The following SAMD5 variants were observed in gnomAD, a reference collection of about 807,000 sequenced individuals.
The protein encoded by SAMD5 is sterile alpha motif domain-containing protein 5.
In SAMD5, 13 loss-of-function variants were observed where a neutral mutation model predicts 11.3. The observed-to-expected ratio is 1.15, with a 90% CI of 0.75 to 1.83. The LOEUF is 1.83. Among genes scored for constraint, SAMD5 ranks in the 40% most tolerant of loss-of-function variants. SAMD5 has a pLI of 0.00. For missense variants in SAMD5, 255 were observed against 239.1 expected (o/e 1.07, Z -0.44); for synonymous variants, 129 against 111.3 (o/e 1.16, Z -1.00).
intron 1 of SAMD5, among the ~76,000 whole-genome samples, 180 bp downstream of exon 1, chr6:147,509,567 G>C (rs1004256302): frequency 6.6e-6 from 1 of 152,052 alleles, no homozygotes; most frequent in African/African-American, 2.4e-5. Context: ...CCTTCCTGGT[G>C]TCTCCAGTGG....
rs1376009747 is a variant in SAMD5 at position 147,569,880 on chromosome 6, A to G, written c.*5424A>G. ...CACTTTCTTTTCCCTTTCAGTTATTATTTTTTTTAAAGGACGTTATGAGAA... is the reference window on the plus strand; with the variant it reads ...CACTTTCTTTTCCCTTTCAGTTATTGTTTTTTTTAAAGGACGTTATGAGAA... On this transcript the variant is annotated 3_prime_UTR_variant, in exon 2 of 2. Transcript: ENST00000367474. The G allele has an allele frequency of 1.0e-6, 1 of 984,252 alleles. No individual in the cohort carries two copies. The highest frequency in any genetic ancestry group is 1.2e-6 in the Non-Finnish European group (1 of 829,116). The allele number at this position is 984,252 out of a possible 1,614,324, so 61.0% of individuals were successfully genotyped here. A position where few individuals can be genotyped will look rare whatever the true frequency, so the allele number is the denominator to read the frequency against.
chr6:147,660,425 G>A (rs1368452371), intron 1 of SAMD5, among the ~76,000 whole-genome samples: 1 of 152,092 alleles, frequency 6.6e-6, no homozygotes, highest in African/African-American at 2.4e-5. Context: ...CTACCATGCT[G>A]AGCCAGTGTT....
the SAMD5 span, among the ~76,000 whole-genome samples, chr6:147,750,320 T>C: frequency 6.6e-6 from 1 of 152,232 alleles, no homozygotes; most frequent in Non-Finnish European, 1.5e-5. Context: ...GGACAGAATT[T>C]CCTGAAAATA....
At chr6:147,874,457 G>A in the SAMD5 span, among the ~76,000 whole-genome samples, 1 of 151,988 alleles carries the variant, frequency 6.6e-6, no homozygotes, top group Non-Finnish European at 1.5e-5. Context: ...TTTTGTATGA[G>A]GACCGAGAAG....
At chr6:147,631,720 T>C (rs1327333885) in intron 1 of SAMD5, among the ~76,000 whole-genome samples, 1 of 152,198 alleles carries the variant, frequency 6.6e-6, no homozygotes, top group African/African-American at 2.4e-5. Context: ...TTTAGTTTCC[T>C]GACTCAGGGC....
At chr6:147,732,042 A>G (rs1254273791) in intron 1 of SAMD5, among the ~76,000 whole-genome samples, 1 of 152,216 alleles carries the variant, frequency 6.6e-6, no homozygotes, top group Non-Finnish European at 1.5e-5. Context: ...GGGAGTTTTC[A>G]ATGAAAATGC....
chr6:147,519,228 T>C (rs1021683900), intron 1 of SAMD5, among the ~76,000 whole-genome samples: 3 of 152,222 alleles, frequency 2.0e-5, no homozygotes, highest in South Asian at 2.1e-4. Context: ...AACTTTATAA[T>C]AAGACTAGAG....
chr6:147,565,954 A>G lies in SAMD5; in HGVS notation c.*1498A>G. The G allele has an allele frequency of 1.0e-6, 1 of 985,276 alleles. No homozygotes were observed. Among genetic ancestry groups the G allele is most frequent in the Non-Finnish European group, 1.2e-6 (1 of 829,800 alleles). 61.0% of individuals were successfully genotyped at this position (985,276 alleles called of 1,614,324 possible). A position where few individuals can be genotyped will look rare whatever the true frequency, so the allele number is the denominator to read the frequency against. On this transcript the variant is annotated 3_prime_UTR_variant, in exon 2 of 2. Coordinates refer to ENST00000367474, the MANE Select transcript of SAMD5 (RefSeq NM_001030060.3). Reference sequence around the variant, plus strand: ...AAGAATGTACAAGATGTAAGTTCCCATCGGCACCGTCATGGTAAGAAGAAT... The same window carrying G: ...AAGAATGTACAAGATGTAAGTTCCCGTCGGCACCGTCATGGTAAGAAGAAT...
At chr6:147,742,548 A>G in the SAMD5 span, among the ~76,000 whole-genome samples, 1 of 152,220 alleles carries the variant, frequency 6.6e-6, no homozygotes, top group African/African-American at 2.4e-5. Flanking sequence ...TCCTTATTTT[A>G]GAGCTAGAAT....
the SAMD5 span, among the ~76,000 whole-genome samples, chr6:147,756,488 A>G: frequency 6.6e-6 from 1 of 152,182 alleles, no homozygotes; most frequent in African/African-American, 2.4e-5. Context: ...TTTTTGGAAG[A>G]CTAAAGAAAA....
chr6:147,829,619 G>T, the SAMD5 span, among the ~76,000 whole-genome samples: 22 of 140,458 alleles, frequency 1.6e-4, no homozygotes, highest in Non-Finnish European at 3.3e-4. Context: ...TTTATGTAGT[G>T]TGTGTGTGGG....
At chr6:147,917,368 T>C in the SAMD5 span, among the ~76,000 whole-genome samples, 1 of 149,450 alleles carries the variant, frequency 6.7e-6, no homozygotes, top group Non-Finnish European at 1.5e-5. Flanking sequence ...TTGAGAAGTG[T>C]CTGTTCATGT....
intron 1 of SAMD5, among the ~76,000 whole-genome samples, chr6:147,559,186 G>A (rs980577403): frequency 3.3e-5 from 5 of 152,324 alleles, no homozygotes; most frequent in South Asian, 4.2e-4. Context: ...GTGCACTGGC[G>A]GCAGCCTGCA....
intron 1 of SAMD5, among the ~76,000 whole-genome samples, chr6:147,552,092 T>C (rs1315754169): frequency 6.6e-6 from 1 of 152,158 alleles, no homozygotes; most frequent in Non-Finnish European, 1.5e-5. Context: ...ATTTTATCTC[T>C]GGAATTGAGG....
chr6:147,720,696 ATATTT>A (rs889043398), intron 1 of SAMD5, among the ~76,000 whole-genome samples: 5 of 151,492 alleles, frequency 3.3e-5, no homozygotes, highest in Non-Finnish European at 7.4e-5. Context: ...TTTAAAGTCT[ATATTT>A]TATTTTATTA....
chr6:147,844,971 G>T, the SAMD5 span, among the ~76,000 whole-genome samples: 1 of 152,016 alleles, frequency 6.6e-6, no homozygotes, highest in African/African-American at 2.4e-5. Flanking sequence ...ATTTCAAATA[G>T]CTAAAAGAGA....
intron 1 of SAMD5, among the ~76,000 whole-genome samples, chr6:147,702,452 G>A (rs190437551): frequency 6.6e-6 from 1 of 152,276 alleles, no homozygotes; most frequent in East Asian, 1.9e-4. Flanking sequence ...GGTGACATAT[G>A]TTTGAACTGA....
At chr6:147,699,864 G>A (rs1183751290) in intron 1 of SAMD5, among the ~76,000 whole-genome samples, 1 of 152,178 alleles carries the variant, frequency 6.6e-6, no homozygotes, top group Admixed American at 6.5e-5. Flanking sequence ...GCAAGGACCT[G>A]AACGAATGTT....
chr6:147,713,844 C>T (rs1464796303), intron 1 of SAMD5, among the ~76,000 whole-genome samples: 4 of 152,160 alleles, frequency 2.6e-5, no homozygotes, highest in Non-Finnish European at 4.4e-5. Context: ...TTACTCTTCC[C>T]TTGCCTCCCC....
Sources: gnomAD v4.1 joint callset for allele counts (sites outside exome capture counted in the v4.1 genomes callset) on GRCh38, gnomAD v4.1.1 for gene constraint, MANE v1.5 for transcripts, NCBI Gene and HGNC (gene_info 2026-07-23, HGNC 2026-07-21) for gene names.